SLC60A1: variants seen among roughly 807,000 people sequenced by gnomAD.
SLC60A1 encodes solute carrier family 60 member 1.
At chr1:205,581,792 A>G in the SLC60A1 span, among the ~76,000 whole-genome samples, 1 of 152,308 alleles carries the variant, frequency 6.6e-6, no homozygotes, top group Non-Finnish European at 1.5e-5. This position sits in a 1 kb window ranked among gnomAD's most constrained non-coding sequence, Gnocchi z 4.2. Context: ...CTCAGGCACT[A>G]GAGCAGCTGC....
the SLC60A1 span, among the ~76,000 whole-genome samples, chr1:205,577,307 A>AC: frequency 1.3e-5 from 2 of 151,958 alleles, no homozygotes; most frequent in African/African-American, 2.4e-5. The surrounding 1 kb of genome is among the most constrained non-coding windows in gnomAD (Gnocchi z 5.2). Context: ...CTACCAGGCC[A>AC]CCCCATGTGG....
chr1:205,588,341 C>A, the SLC60A1 span, among the ~76,000 whole-genome samples: 4 of 151,688 alleles, frequency 2.6e-5, no homozygotes, highest in Non-Finnish European at 5.9e-5. Context: ...GTGGTGGCGC[C>A]TGCCTGTAAT....
chr1:205,578,737 T>C, the SLC60A1 span, among the ~76,000 whole-genome samples: 1 of 151,726 alleles, frequency 6.6e-6, no homozygotes, highest in Non-Finnish European at 1.5e-5. Context: ...CCCCCTCCCC[T>C]CTCTCAGCTC....
At chr1:205,569,188 T>C in the SLC60A1 span, 1 of 1,548,468 alleles carries the variant, frequency 6.5e-7, no homozygotes, top group Non-Finnish European at 8.7e-7. Flanking sequence ...CCCACGCTGC[T>C]GGACCTGCGC....
chr1:205,572,150 C>T, the SLC60A1 span, among the ~76,000 whole-genome samples: 1 of 151,222 alleles, frequency 6.6e-6, no homozygotes, highest in African/African-American at 2.5e-5. Context: ...TGCTCACTCT[C>T]TCAGAGAAAA....
the SLC60A1 span, chr1:205,591,941 G>T: frequency 1.6e-6 from 1 of 624,060 alleles, no homozygotes. Context: ...TCCTTTCCAC[G>T]CTTCCTTCCA....
the SLC60A1 span, chr1:205,592,208 G>A: frequency 1.2e-6 from 2 of 1,614,108 alleles, no homozygotes; most frequent in African/African-American, 1.3e-5. Context: ...TGTTCGTGGG[G>A]ACGGCAAGCC....
the SLC60A1 span, chr1:205,599,190 G>A: frequency 6.2e-7 from 1 of 1,614,172 alleles, no homozygotes; most frequent in Non-Finnish European, 8.5e-7. Context: ...TTGGTTGTCT[G>A]GCTTTTACCT....
chr1:205,592,922 A>G, the SLC60A1 span, among the ~76,000 whole-genome samples: 12 of 152,226 alleles, frequency 7.9e-5, no homozygotes, highest in African/African-American at 2.4e-4. Context: ...GCTAATTTTC[A>G]GTAACAGTAC....
At chr1:205,580,441 G>A in the SLC60A1 span, among the ~76,000 whole-genome samples, 1 of 152,182 alleles carries the variant, frequency 6.6e-6, no homozygotes. The surrounding 1 kb of genome is among the most constrained non-coding windows in gnomAD (Gnocchi z 5.0). Context: ...TGGCAGGGTG[G>A]TTGAGAGAGG....
At chr1:205,583,539 T>C in the SLC60A1 span, among the ~76,000 whole-genome samples, 3 of 152,188 alleles carry the variant, frequency 2.0e-5, no homozygotes, top group African/African-American at 7.2e-5. Context: ...GACTAAGTGA[T>C]AACATCCCCC....
At chr1:205,599,429 C>A in the SLC60A1 span, among the ~76,000 whole-genome samples, 2 of 152,212 alleles carry the variant, frequency 1.3e-5, no homozygotes, top group Admixed American at 6.5e-5. Context: ...GCTTTCCATA[C>A]GATTGTCTGC....
At chr1:205,575,409 G>A in the SLC60A1 span, among the ~76,000 whole-genome samples, 2 of 152,286 alleles carry the variant, frequency 1.3e-5, no homozygotes, top group Middle Eastern at 6.8e-3. Flanking sequence ...GGTGGCATGG[G>A]GGCTGGGCTT....
chr1:205,591,504 G>GAAAAAAAAAA, the SLC60A1 span, among the ~76,000 whole-genome samples: 9 of 71,704 alleles, frequency 1.3e-4, 1 homozygote, highest in Admixed American at 2.7e-4. Flanking sequence ...AAAAAAAAAG[G>GAAAAAAAAAA]AAAGAAAAGA....
the SLC60A1 span, chr1:205,585,096 C>T: frequency 1.1e-6 from 1 of 934,622 alleles, no homozygotes; most frequent in Admixed American, 2.0e-5. The surrounding 1 kb of genome is among the most constrained non-coding windows in gnomAD (Gnocchi z 4.2). Context: ...TTCCTGGAGA[C>T]TTCTCCTGGA....
the SLC60A1 span, among the ~76,000 whole-genome samples, chr1:205,584,569 A>G: frequency 6.7e-6 from 1 of 149,738 alleles, no homozygotes; most frequent in Non-Finnish European, 1.5e-5. Flanking sequence ...AAAAAAAAGA[A>G]AATCTTGGCC....
the SLC60A1 span, among the ~76,000 whole-genome samples, chr1:205,585,688 T>C: frequency 0.25 from 1,520 of 6,022 alleles, 26 homozygotes; most frequent in African/African-American, 0.34. This position sits in a 1 kb window ranked among gnomAD's most constrained non-coding sequence, Gnocchi z 4.2. Flanking sequence ...GCACACACCT[T>C]TTTTTTTTTT....
the SLC60A1 span, among the ~76,000 whole-genome samples, chr1:205,581,477 C>G: frequency 6.6e-6 from 1 of 152,248 alleles, no homozygotes; most frequent in East Asian, 1.9e-4. This position sits in a 1 kb window ranked among gnomAD's most constrained non-coding sequence, Gnocchi z 4.2. Flanking sequence ...CAAGTCAGCA[C>G]TGACTCTGGC....
chr1:205,585,471 T>C, the SLC60A1 span, among the ~76,000 whole-genome samples: 1 of 152,190 alleles, frequency 6.6e-6, no homozygotes, highest in African/African-American at 2.4e-5. This position sits in a 1 kb window ranked among gnomAD's most constrained non-coding sequence, Gnocchi z 4.2. Flanking sequence ...AGCACCTTTT[T>C]CCAGAAACTT....
Sources: gnomAD v4.1 joint callset for allele counts (sites outside exome capture counted in the v4.1 genomes callset) on GRCh38, gnomAD v4.1.1 for gene constraint, Gnocchi (gnomAD v3.1) non-coding constraint, MANE v1.5 for transcripts, NCBI Gene and HGNC (gene_info 2026-07-23, HGNC 2026-07-21) for gene names.